The following MEF2C variants were observed in gnomAD, a reference collection of about 807,000 sequenced individuals.
MEF2C encodes myocyte enhancer factor 2C.
In MEF2C, 6 loss-of-function variants were observed where a neutral mutation model predicts 50.5. The observed-to-expected ratio is 0.12, with a 90% confidence interval of 0.07 to 0.23. The LOEUF (loss-of-function observed/expected upper bound fraction) is 0.23, where lower values mean the gene tolerates loss of function less well. Ranked by LOEUF, MEF2C falls within the 10% of genes least tolerant of loss-of-function variation. The probability of loss-of-function intolerance (pLI) is 1.00; values close to 1 mark genes in which losing one functional copy is unlikely to be tolerated. For missense variants in MEF2C, 276 were observed against 605.0 expected (o/e 0.46, Z 5.70); for synonymous variants, 183 against 228.0 (o/e 0.80, Z 1.78).
At chr5:88,872,055 A>G (rs1829685523) in intron 1 of MEF2C, among the ~76,000 whole-genome samples, 1 of 152,106 alleles carries the variant, frequency 6.6e-6, no homozygotes, top group Non-Finnish European at 1.5e-5. Flanking sequence ...GAAGAAATAT[A>G]AAGACTAAAA....
chr5:88,823,644 T>C, intron 2 of MEF2C, 91 bp downstream of exon 2: 1 of 1,216,972 alleles, frequency 8.2e-7, no homozygotes, highest in Non-Finnish European at 1.2e-6. Context: ...TAATAGATAT[T>C]TACAGATTCA....
intron 1 of MEF2C, among the ~76,000 whole-genome samples, chr5:88,848,487 C>T (rs1820105480): frequency 6.6e-6 from 1 of 152,058 alleles, no homozygotes; most frequent in South Asian, 2.1e-4. Flanking sequence ...ATGCTAAGTG[C>T]TTTATGCATA....
At chr5:88,732,942 T>C (rs1410625471) in intron 6 of MEF2C, 1 of 287,678 alleles carries the variant, frequency 3.5e-6, no homozygotes, top group Non-Finnish European at 5.2e-6. Flanking sequence ...CAAGTATCTA[T>C]TACCCCTGCA....
At chr5:88,818,187 C>T (rs942782894) in intron 2 of MEF2C, among the ~76,000 whole-genome samples, 11 of 151,900 alleles carry the variant, frequency 7.2e-5, no homozygotes, top group Admixed American at 7.2e-4. Context: ...CATATTAAAA[C>T]ATCACTGTGC....
At chr5:88,777,098 A>G (rs1424293951) in intron 3 of MEF2C, among the ~76,000 whole-genome samples, 1 of 152,188 alleles carries the variant, frequency 6.6e-6, no homozygotes, top group African/African-American at 2.4e-5. Context: ...ATAACTTATG[A>G]AATCTCAGTT....
At chr5:88,849,980 C>T (rs1820700976) in intron 1 of MEF2C, among the ~76,000 whole-genome samples, 1 of 152,100 alleles carries the variant, frequency 6.6e-6, no homozygotes, top group Non-Finnish European at 1.5e-5. Flanking sequence ...TACATGTGCA[C>T]AACTTGCAGG....
chr5:88,837,833 A>G lies in MEF2C; in HGVS notation c.-142-13903T>C, dbSNP rs565654703. Among the ~76,000 whole-genome samples, 138 of 152,362 alleles carry G rather than the reference A, an allele frequency of 9.1e-4. 2 individuals carry two copies. Among genetic ancestry groups the G allele is most frequent in the African/African-American group, 3.0e-3 (126 of 41,588 alleles). On this transcript the variant is annotated intron_variant, in intron 1 of 10. Coordinates refer to ENST00000504921, the MANE Select transcript of MEF2C (RefSeq NM_002397.5). ...AAGGTTTCATTATGCACTTTGGACC[A>G]CTAATCACATTTAGAAGTTTAATAA...
At chr5:88,836,561 A>G (rs1438266307) in intron 1 of MEF2C, among the ~76,000 whole-genome samples, 2 of 152,218 alleles carry the variant, frequency 1.3e-5, no homozygotes, top group Non-Finnish European at 2.9e-5. Flanking sequence ...GTGTTCTCAG[A>G]CGAGCAAAAT....
chr5:88,849,096 A>G (rs984154331), intron 1 of MEF2C, among the ~76,000 whole-genome samples: 2 of 147,702 alleles, frequency 1.4e-5, no homozygotes, highest in Admixed American at 1.4e-4. Context: ...GGTTGCAGTG[A>G]GCCGAGATCG....
At chr5:88,779,960 G>A (rs1266875079) in intron 3 of MEF2C, among the ~76,000 whole-genome samples, 1 of 151,812 alleles carries the variant, frequency 6.6e-6, no homozygotes, top group Non-Finnish European at 1.5e-5. Flanking sequence ...GCCTGGCCAA[G>A]ATGGTGAAAC....
chr5:88,744,562 A>G (rs1358848385), intron 6 of MEF2C, among the ~76,000 whole-genome samples: 1 of 152,180 alleles, frequency 6.6e-6, no homozygotes, highest in Non-Finnish European at 1.5e-5. Flanking sequence ...CAAAAAAAAA[A>G]GTTTTATAGA....
At chr5:88,739,070 T>C in intron 6 of MEF2C, 1 of 984,968 alleles carries the variant, frequency 1.0e-6, no homozygotes, top group African/African-American at 1.7e-5. Context: ...TTACTTACTG[T>C]CAATTTAAGA....
At chr5:88,876,910 C>T (rs937237838) in intron 1 of MEF2C, among the ~76,000 whole-genome samples, 5 of 151,964 alleles carry the variant, frequency 3.3e-5, no homozygotes, top group African/African-American at 7.2e-5. Context: ...CAGACCACCA[C>T]GCTCATGATG....
intron 1 of MEF2C, among the ~76,000 whole-genome samples, chr5:88,858,527 C>T (rs554895633): frequency 2.0e-5 from 3 of 152,312 alleles, no homozygotes; most frequent in East Asian, 1.9e-4. Flanking sequence ...TAAGAGTTAA[C>T]TAGAAGACAA....
At chr5:88,771,290 C>G (rs1782298191) in intron 3 of MEF2C, 3 of 450,744 alleles carry the variant, frequency 6.7e-6, no homozygotes, top group Admixed American at 6.4e-5. Context: ...CAAGTCAGCT[C>G]AATCCTTTAG....
intron 3 of MEF2C, among the ~76,000 whole-genome samples, chr5:88,776,116 G>C (rs11744850): frequency 0.51 from 77,635 of 151,790 alleles, 22,798 homozygotes; most frequent in Non-Finnish European, 0.66. Context: ...TTTTGATGAT[G>C]CTTTGGTGTT....
intron 1 of MEF2C, chr5:88,888,278 C>T (rs572178503): frequency 1.3e-5 from 2 of 152,358 alleles, no homozygotes; most frequent in South Asian, 4.1e-4. Context: ...ATGAACCTTT[C>T]CTTGGCTTCA....
intron 3 of MEF2C, among the ~76,000 whole-genome samples, chr5:88,788,655 A>T (rs1792235529): frequency 6.6e-6 from 1 of 152,216 alleles, no homozygotes; most frequent in Non-Finnish European, 1.5e-5. Context: ...GAGACTGAAA[A>T]GCTGAACTTT....
At position 88,734,194 on chromosome 5, in the gene MEF2C, G is replaced by A. The variant is rs561284313; in HGVS notation, c.638-2293C>T. On this transcript the variant is annotated intron_variant, in intron 6 of 10. Transcript: ENST00000504921. ...ATTCTACGGGATAAAAAGAGAATAA[G>A]AACATCAAGGTCAATTCTGCTCTAT... 2.5e-4 allele frequency: 249 copies of A among 985,122 alleles called. 1 individual carries two copies. The African/African-American group carries it at 4.1e-3, about 16-fold the overall frequency. 61.0% of individuals were successfully genotyped at this position (985,122 alleles called of 1,614,324 possible).
Sources: allele counts gnomAD v4.1 joint callset (sites outside exome capture counted in the v4.1 genomes callset), GRCh38; gene constraint gnomAD v4.1.1; transcripts MANE v1.5; gene names NCBI Gene and HGNC (gene_info 2026-07-23, HGNC 2026-07-21).